SLCO3A1: variants seen among roughly 807,000 people sequenced by gnomAD.
SLCO3A1 encodes the protein solute carrier organic anion transporter family member 3A1, also known as PGE1 transporter.
Under a neutral mutation model 63.1 loss-of-function variants are expected in SLCO3A1, and 27 were observed. The observed-to-expected ratio is 0.43, with a 90% confidence interval of 0.32 to 0.59. The LOEUF (loss-of-function observed/expected upper bound fraction) is 0.59, where lower values mean the gene tolerates loss of function less well. Among genes scored for constraint, SLCO3A1 ranks in the 20% least tolerant of loss-of-function variants. The pLI, the probability that SLCO3A1 is intolerant of heterozygous loss-of-function variation, is 0.09. For missense variants in SLCO3A1, 773 were observed against 945.8 expected (o/e 0.82, Z 2.40); for synonymous variants, 473 against 409.9 (o/e 1.15, Z -1.86).
chr15:92,097,475 G>C (rs207969), intron 3 of SLCO3A1, among the ~76,000 whole-genome samples: 107,435 of 152,108 alleles, frequency 0.71, 38,296 homozygotes, highest in Admixed American at 0.81. Context: ...CTGGAATGCT[G>C]TTCCCATCTT....
At chr15:91,874,303 G>T (rs575031298) in intron 1 of SLCO3A1, among the ~76,000 whole-genome samples, 5 of 152,052 alleles carry the variant, frequency 3.3e-5, no homozygotes, top group Non-Finnish European at 7.4e-5. Context: ...CTGGATAAGC[G>T]GGGACTCCTA....
Position 91,854,367 on chromosome 15 carries a change from G to A in SLCO3A1, c.180+279G>A, listed in dbSNP as rs1261286647. The A allele has an allele frequency of 9.1e-7, 1 of 1,095,036 alleles. No homozygotes were observed. Among genetic ancestry groups the A allele is most frequent in the Non-Finnish European group, 1.1e-6 (1 of 900,348 alleles). The allele number at this position is 1,095,036 out of a possible 1,614,324, so 67.8% of individuals were successfully genotyped here. ...GGGGAGGAGAGGCGGCGGGCAGGTG[G>A]GCGTGAAACTATTCCTCTCCCCCCA... On this transcript the variant is annotated intron_variant, in intron 1 of 9. Coordinates refer to ENST00000318445, the MANE Select transcript of SLCO3A1 (RefSeq NM_013272.4). The surrounding 1 kb of genome is among the most constrained non-coding windows in gnomAD (Gnocchi z 6.4).
chr15:91,922,241 G>A (rs376351751), intron 2 of SLCO3A1, among the ~76,000 whole-genome samples: 7 of 152,058 alleles, frequency 4.6e-5, no homozygotes, highest in African/African-American at 1.7e-4. Flanking sequence ...ATTCTCCTGA[G>A]GATGGATGTT....
intron 2 of SLCO3A1, among the ~76,000 whole-genome samples, chr15:92,061,168 G>A (rs1431699061): frequency 6.6e-6 from 1 of 152,168 alleles, no homozygotes. Flanking sequence ...CTTTGCACTG[G>A]GGTCTGGTAT....
At chr15:91,956,518 T>A (rs1597154919) in intron 2 of SLCO3A1, among the ~76,000 whole-genome samples, 2 of 152,122 alleles carry the variant, frequency 1.3e-5, no homozygotes, top group Admixed American at 6.5e-5. Context: ...AAATGGCTCA[T>A]CTGGCAATGG....
intron 2 of SLCO3A1, among the ~76,000 whole-genome samples, chr15:91,924,085 T>C (rs1316762893): frequency 6.6e-6 from 1 of 152,240 alleles, no homozygotes; most frequent in East Asian, 1.9e-4. Context: ...AGGAGTGTCA[T>C]GCAGACGGGC....
chr15:92,004,087 C>A (rs1170516992), intron 2 of SLCO3A1, among the ~76,000 whole-genome samples: 1 of 152,216 alleles, frequency 6.6e-6, no homozygotes, highest in Non-Finnish European at 1.5e-5. Flanking sequence ...CTGGATCCCA[C>A]CCAGACCTTC....
chr15:91,865,054 C>T lies in SLCO3A1; in HGVS notation c.180+10966C>T, dbSNP rs112232721. On this transcript the variant is annotated intron_variant, in intron 1 of 9. Transcript: ENST00000318445. This position sits in a 1 kb window ranked among gnomAD's most constrained non-coding sequence, Gnocchi z 4.6. ...CCTTTCTGCCCCCTCCGTGGTTGGC[C>T]ACCCGCTGTCCCTATCCAGTGGATA... 1.9e-3 allele frequency among the ~76,000 whole-genome samples: 292 copies of T among 152,344 alleles called. 1 individual carries two copies. Among genetic ancestry groups the T allele is most frequent in the Middle Eastern group, 3.4e-3 (1 of 294 alleles).
intron 7 of SLCO3A1, among the ~76,000 whole-genome samples, chr15:92,145,964 A>G (rs1210222335): frequency 6.7e-6 from 1 of 149,714 alleles, no homozygotes; most frequent in Non-Finnish European, 1.5e-5. Flanking sequence ...AGAAAACCCT[A>G]TCTCTGTGTT....
intron 2 of SLCO3A1, among the ~76,000 whole-genome samples, chr15:91,966,920 G>T (rs541910802): frequency 6.6e-6 from 1 of 152,168 alleles, no homozygotes; most frequent in Non-Finnish European, 1.5e-5. Context: ...ATTATGTTGT[G>T]TGGCATTTTA....
intron 2 of SLCO3A1, among the ~76,000 whole-genome samples, chr15:92,063,569 T>C (rs1383882637): frequency 6.6e-6 from 1 of 152,144 alleles, no homozygotes; most frequent in South Asian, 2.1e-4. Context: ...TGAAACTTTT[T>C]AAAAAATGGG....
In SLCO3A1 at chr15:91,875,299, A is replaced by G. The variant is rs1177474981; in HGVS notation, c.180+21211A>G. Among the ~76,000 whole-genome samples, 1 of 151,586 alleles carries G rather than the reference A, an allele frequency of 6.6e-6. No homozygotes were observed. The highest frequency in any genetic ancestry group is 2.4e-5 in the African/African-American group (1 of 41,234). ...CTAGTTGCACTTCTGTTATGAAGCC[A>G]CTCCTGCCTCCCTTTCCTCTGACCC... On this transcript the variant is annotated intron_variant, in intron 1 of 9. Transcript: ENST00000318445. This position sits in a 1 kb window ranked among gnomAD's most constrained non-coding sequence, Gnocchi z 4.5.
chr15:91,921,526 C>G (rs1898844366), intron 2 of SLCO3A1, among the ~76,000 whole-genome samples: 1 of 151,992 alleles, frequency 6.6e-6, no homozygotes, highest in Non-Finnish European at 1.5e-5. Flanking sequence ...TCTCTAAGTA[C>G]TTGAGGAATT....
Position 91,900,511 on chromosome 15 carries a change from G to A in SLCO3A1, c.181-15482G>A, listed in dbSNP as rs1397969384. On this transcript the variant is annotated intron_variant, in intron 1 of 9. Transcript: ENST00000318445. This position sits in a 1 kb window ranked among gnomAD's most constrained non-coding sequence, Gnocchi z 4.3. ...TGCCCGGCTAATTTTTGTATTTTCA[G>A]TAGAGACGGGTTTCACCATGTTGGC... is the stretch of plus-strand genomic sequence containing the variant. 1.3e-5 allele frequency among the ~76,000 whole-genome samples: 2 copies of A among 152,026 alleles called. No individual in the cohort carries two copies. The highest frequency in any genetic ancestry group is 4.8e-5 in the African/African-American group (2 of 41,406).
At chr15:91,868,652 T>C (rs1273635097) in intron 1 of SLCO3A1, among the ~76,000 whole-genome samples, 1 of 152,104 alleles carries the variant, frequency 6.6e-6, no homozygotes, top group African/African-American at 2.4e-5. Flanking sequence ...CTTTGGGCAT[T>C]TAGCTTTCCC....
intron 2 of SLCO3A1, among the ~76,000 whole-genome samples, chr15:92,073,906 C>A (rs749164459): frequency 6.6e-6 from 1 of 152,246 alleles, no homozygotes; most frequent in Non-Finnish European, 1.5e-5. Flanking sequence ...CCGTGGCTCA[C>A]GCCTGTAATC....
At chr15:92,030,357 G>C (rs1446011403) in intron 2 of SLCO3A1, among the ~76,000 whole-genome samples, 1 of 152,168 alleles carries the variant, frequency 6.6e-6, no homozygotes, top group African/African-American at 2.4e-5. Flanking sequence ...GACTCTTCTT[G>C]CTTTGCGGGG....
chr15:91,926,316 A>G (rs1289501252), intron 2 of SLCO3A1, among the ~76,000 whole-genome samples: 3 of 152,238 alleles, frequency 2.0e-5, no homozygotes, highest in Non-Finnish European at 4.4e-5. Flanking sequence ...TTGTGCAGGA[A>G]CAGTAAGTGT....
At chr15:92,062,740 G>A (rs2047102084) in intron 2 of SLCO3A1, among the ~76,000 whole-genome samples, 1 of 152,202 alleles carries the variant, frequency 6.6e-6, no homozygotes, top group Non-Finnish European at 1.5e-5. Flanking sequence ...TCCGGCTCCT[G>A]TACCTGACTA....
Sources: allele counts gnomAD v4.1 joint callset (sites outside exome capture counted in the v4.1 genomes callset), GRCh38; gene constraint gnomAD v4.1.1; non-coding constraint Gnocchi (gnomAD v3.1); transcripts MANE v1.5; gene names NCBI Gene and HGNC (gene_info 2026-07-23, HGNC 2026-07-21).